The following WNT9A variants were observed in gnomAD, a reference collection of about 807,000 sequenced individuals.
WNT9A encodes the protein Wnt family member 9A, also known as protein Wnt-9a.
WNT9A carries 8 observed loss-of-function variants against 31.4 expected under a neutral mutation model. The observed-to-expected ratio is 0.26, with a 90% CI of 0.15 to 0.46. The LOEUF (loss-of-function observed/expected upper bound fraction) is 0.46. WNT9A is among the 20% of genes least tolerant of loss of function. The pLI is 0.99. For synonymous variants in WNT9A, 236 were observed against 220.1 expected (o/e 1.07, Z -0.64); for missense variants, 457 against 522.9 (o/e 0.87, Z 1.23).
chr1:227,926,063 A>G lies in WNT9A; in HGVS notation c.96-544T>C, dbSNP rs997327267. Among the ~76,000 whole-genome samples, 3 of 151,940 alleles carry G rather than the reference A, an allele frequency of 2.0e-5. No individual in the cohort carries two copies. Among genetic ancestry groups the G allele is most frequent in the South Asian group, 4.2e-4 (2 of 4,814 alleles). ...TTCCCAGCACTCCTGCAGTCTACGC[A>G]TATGTCCCCAGGTTCCAGCTGGGGT... On this transcript the variant is annotated intron_variant, in intron 1 of 3. Transcript: ENST00000272164. The surrounding 1 kb of genome is among the most constrained non-coding windows in gnomAD (Gnocchi z 5.0).
chr1:227,946,117 C>T (rs1666789066), intron 1 of WNT9A, among the ~76,000 whole-genome samples: 1 of 152,220 alleles, frequency 6.6e-6, no homozygotes, highest in African/African-American at 2.4e-5. Context: ...GGGGCCTGGC[C>T]AGAGAAGCCA....
In WNT9A at chr1:227,935,116, C is replaced by T. The variant is rs140956324; in HGVS notation, c.96-9597G>A. Among the ~76,000 whole-genome samples, 887 of 151,504 alleles carry T rather than the reference C, an allele frequency of 5.9e-3. 11 individuals carry two copies. The highest frequency in any genetic ancestry group is 0.021 in the African/African-American group (855 of 41,218). On this transcript the variant is annotated intron_variant, in intron 1 of 3. Coordinates refer to ENST00000272164, the MANE Select transcript of WNT9A (RefSeq NM_003395.4). Reference sequence around the variant, plus strand: ...AGTTTGCCATACAGATCCTGAGTCACAGCCCCAGTTCACCATACAGAGCCT... The same window carrying T: ...AGTTTGCCATACAGATCCTGAGTCATAGCCCCAGTTCACCATACAGAGCCT...
intron 1 of WNT9A, among the ~76,000 whole-genome samples, chr1:227,945,444 C>T (rs1025642469): frequency 6.6e-6 from 1 of 152,126 alleles, no homozygotes; most frequent in African/African-American, 2.4e-5. Flanking sequence ...GGGCAGCGGG[C>T]GCCAGCCAGG....
At chr1:227,944,702 T>C (rs896438120) in intron 1 of WNT9A, among the ~76,000 whole-genome samples, 1 of 152,226 alleles carries the variant, frequency 6.6e-6, no homozygotes, top group African/African-American at 2.4e-5. Context: ...GCCTTGGTTA[T>C]GCCTCTTCCA....
intron 1 of WNT9A, among the ~76,000 whole-genome samples, chr1:227,927,909 G>C (rs1189044289): frequency 6.6e-6 from 1 of 151,644 alleles, no homozygotes; most frequent in East Asian, 1.9e-4. Flanking sequence ...CTAAGAAGAA[G>C]ATGGGGAGGG....
rs186101806 is a variant in WNT9A at position 227,942,783 on chromosome 1, C to T, written c.95+5010G>A. 0.01 allele frequency among the ~76,000 whole-genome samples: 1,542 copies of T among 152,282 alleles called. 26 individuals are homozygous for T. The highest frequency in any genetic ancestry group is 0.029 in the East Asian group (148 of 5,170). On this transcript the variant is annotated intron_variant, in intron 1 of 3. Transcript: ENST00000272164. This position sits in a 1 kb window ranked among gnomAD's most constrained non-coding sequence, Gnocchi z 5.7. ...GTGGGTCTCCAGGACAGTGCCTGCC[C>T]AAACCTAAGCCTGAGCTCTCAGCTG...
chr1:227,933,873 C>G (rs1020126567), intron 1 of WNT9A, among the ~76,000 whole-genome samples: 4 of 151,902 alleles, frequency 2.6e-5, no homozygotes, highest in Non-Finnish European at 5.9e-5. Context: ...TCCTCAGAAA[C>G]CCCCCAGCCC....
At chr1:227,933,685 G>T (rs1398631886) in intron 1 of WNT9A, among the ~76,000 whole-genome samples, 1 of 152,106 alleles carries the variant, frequency 6.6e-6, no homozygotes, top group African/African-American at 2.4e-5. Context: ...ATTGTCTCAG[G>T]ACGTGCTTGT....
chr1:227,923,651 T>A (rs1401982058), intron 3 of WNT9A, among the ~76,000 whole-genome samples: 1 of 152,074 alleles, frequency 6.6e-6, no homozygotes, highest in Admixed American at 6.5e-5. Context: ...TCCCCTGACT[T>A]GGGTGAGTGG....
chr1:227,920,849 G>C lies in WNT9A; in HGVS notation c.*669C>G, dbSNP rs2102715042. On this transcript the variant is annotated 3_prime_UTR_variant, in exon 4 of 4. Transcript: ENST00000272164. The stretch of plus-strand genomic sequence containing the variant: ...CTCGGGTCAGAGGGAGGAAGCTGAG[G>C]CCCAGGGCACAAGCAGAGAGGTTGC... 6.6e-6 allele frequency: 1 copy of C among 152,456 alleles called. No individual in the cohort carries two copies. The highest frequency in any genetic ancestry group is 2.4e-5 in the African/African-American group (1 of 41,516). The allele number at this position is 152,456 out of a possible 1,614,324, so 9.4% of individuals were successfully genotyped here. A position where few individuals can be genotyped will look rare whatever the true frequency, so the allele number is the denominator to read the frequency against.
intron 2 of WNT9A, 45 bp from the exon 3 acceptor site, chr1:227,924,445 T>C (rs564909654): frequency 6.3e-7 from 1 of 1,582,998 alleles, no homozygotes; most frequent in African/African-American, 1.3e-5. Context: ...CTGCCCAGAG[T>C]TCCCCCTTCA....
At chr1:227,927,131 G>A (rs767447991) in intron 1 of WNT9A, among the ~76,000 whole-genome samples, 6 of 152,142 alleles carry the variant, frequency 3.9e-5, no homozygotes, top group Non-Finnish European at 8.8e-5. Context: ...GAGCACCCAT[G>A]AGCCCTCGGA....
At chr1:227,929,074 G>A (rs1174191018) in intron 1 of WNT9A, among the ~76,000 whole-genome samples, 2 of 152,106 alleles carry the variant, frequency 1.3e-5, no homozygotes, top group Non-Finnish European at 2.9e-5. Flanking sequence ...ACTGAAGACA[G>A]ACAAAGGGTA....
chr1:227,941,411 A>T (rs1666703382), intron 1 of WNT9A, among the ~76,000 whole-genome samples: 1 of 151,724 alleles, frequency 6.6e-6, no homozygotes. Flanking sequence ...AATAGAATGC[A>T]TCTGAAGAGA....
At position 227,919,289 on chromosome 1, in the gene WNT9A, C is replaced by T. The variant is rs1324038689; in HGVS notation, c.*2229G>A. On this transcript the variant is annotated 3_prime_UTR_variant, in exon 4 of 4. Coordinates refer to ENST00000272164, the MANE Select transcript of WNT9A (RefSeq NM_003395.4). ...AGAGGGCAGGGGCTACCACCCCCAC[C>T]CCTTCTAGCCAGGCTTCACCAGACA... 6.6e-6 allele frequency: 1 copy of T among 152,324 alleles called. No individual in the cohort carries two copies. The highest frequency in any genetic ancestry group is 1.9e-4 in the East Asian group (1 of 5,168). 9.4% of individuals were successfully genotyped at this position (152,324 alleles called of 1,614,324 possible). A position where few individuals can be genotyped will look rare whatever the true frequency, so the allele number is the denominator to read the frequency against.
Position 227,928,997 on chromosome 1 carries a change from C to T in WNT9A, c.96-3478G>A, listed in dbSNP as rs998150297. Among the ~76,000 whole-genome samples the T allele has an allele frequency of 2.0e-5, 3 of 152,302 alleles. No homozygotes were observed. The highest frequency in any genetic ancestry group is 4.8e-5 in the African/African-American group (2 of 41,550). ...ACTCACACCCCAGACCAGGGGCCGG[C>T]GCTGTGCACGTGTGTGTGTGTGTCT... On this transcript the variant is annotated intron_variant, in intron 1 of 3. Transcript: ENST00000272164. This position sits in a 1 kb window ranked among gnomAD's most constrained non-coding sequence, Gnocchi z 4.5.
At chr1:227,927,941 T>G (rs1666447598) in intron 1 of WNT9A, among the ~76,000 whole-genome samples, 2 of 131,758 alleles carry the variant, frequency 1.5e-5, no homozygotes, top group South Asian at 2.4e-4. Context: ...AGGAGGAGGG[T>G]AGGGGATGAG....
chr1:227,944,516 C>T (rs1244867814), intron 1 of WNT9A, among the ~76,000 whole-genome samples: 2 of 152,226 alleles, frequency 1.3e-5, no homozygotes, highest in African/African-American at 4.8e-5. Flanking sequence ...TTTTACAGGA[C>T]GTGAGTTACG....
At chr1:227,922,479 C>G (rs566350098) in intron 3 of WNT9A, among the ~76,000 whole-genome samples, 19 of 152,354 alleles carry the variant, frequency 1.2e-4, no homozygotes, top group African/African-American at 4.1e-4. Context: ...ATATCGGGAA[C>G]CAGGTGCTAC....
Sources: allele counts gnomAD v4.1 joint callset (sites outside exome capture counted in the v4.1 genomes callset), GRCh38; gene constraint gnomAD v4.1.1; non-coding constraint Gnocchi (gnomAD v3.1); transcripts MANE v1.5; gene names NCBI Gene and HGNC (gene_info 2026-07-23, HGNC 2026-07-21).